Variants in LINGO2 observed in about 807,000 individuals in gnomAD.
LINGO2 encodes leucine rich repeat and Ig domain containing 2, also known as leucine-rich repeat and immunoglobulin-like domain-containing nogo receptor-interacting protein 2.
Under a neutral mutation model 30.6 loss-of-function variants are expected in LINGO2, and 14 were observed. That is an observed-to-expected ratio of 0.46 (90% CI 0.30 to 0.72). The LOEUF (loss-of-function observed/expected upper bound fraction) is 0.72. Among genes scored for constraint, LINGO2 ranks in the 30% least tolerant of loss-of-function variants. The pLI is 0.07. For synonymous variants in LINGO2, 317 were observed against 288.5 expected, an observed-to-expected ratio of 1.10 and a Z score of -1.00; for missense variants, 729 against 751.7, an observed-to-expected ratio of 0.97 and a Z score of 0.35.
At chr9:29,176,945 G>A in the LINGO2 span, among the ~76,000 whole-genome samples, 2,675 of 152,256 alleles carry the variant, frequency 0.018, 87 homozygotes, top group African/African-American at 0.06. Context: ...AAGCAACACC[G>A]AAAAGGATTG....
the LINGO2 span, among the ~76,000 whole-genome samples, chr9:29,134,783 G>A: frequency 5.3e-5 from 8 of 151,758 alleles, no homozygotes; most frequent in Non-Finnish European, 1.0e-4. Context: ...TATTAATATA[G>A]TTTTCCTTAA....
the LINGO2 span, among the ~76,000 whole-genome samples, chr9:28,932,906 T>C: frequency 2.6e-5 from 4 of 151,066 alleles, no homozygotes; most frequent in Non-Finnish European, 4.4e-5. Context: ...TTTATTATAT[T>C]ATTATTATTA....
At chr9:28,312,539 T>G (rs895114464) in intron 3 of LINGO2, among the ~76,000 whole-genome samples, 1 of 152,104 alleles carries the variant, frequency 6.6e-6, no homozygotes, top group African/African-American at 2.4e-5. Flanking sequence ...GTCATAAATA[T>G]CAACATGCAG....
chr9:28,354,343 C>T lies in LINGO2; in HGVS notation c.-246+18493G>A, dbSNP rs149478343. ...TGGTAATTATGCAAATTCATGTTAA[C>T]CTATTGCTTCAGAAATATAAAGCAA... On this transcript the variant is annotated intron_variant, in intron 3 of 5. Coordinates refer to ENST00000379992, the Ensembl canonical transcript of LINGO2. Among the ~76,000 whole-genome samples, 8 of 152,112 alleles carry T rather than the reference C, an allele frequency of 5.3e-5. No individual in the cohort carries two copies. In the East Asian group the frequency reaches 1.4e-3, roughly 26 times the overall value.
chr9:28,783,419 T>C, the LINGO2 span, among the ~76,000 whole-genome samples: 1 of 152,148 alleles, frequency 6.6e-6, no homozygotes, highest in African/African-American at 2.4e-5. Context: ...TTTCTATTTG[T>C]ATTTTTTAAT....
At chr9:28,050,620 T>C (rs541839806) in intron 4 of LINGO2, among the ~76,000 whole-genome samples, 6 of 150,894 alleles carry the variant, frequency 4.0e-5, no homozygotes, top group African/African-American at 1.2e-4. Context: ...TTAGAAACAA[T>C]TGCATATGAA....
chr9:27,952,912 A>G (rs1306364778), intron 5 of LINGO2, among the ~76,000 whole-genome samples: 1 of 152,254 alleles, frequency 6.6e-6, no homozygotes, highest in Middle Eastern at 3.4e-3. Context: ...AACTTGGTAT[A>G]ACAAACAAAT....
At chr9:28,351,763 C>T (rs1819904755) in intron 3 of LINGO2, among the ~76,000 whole-genome samples, 1 of 152,052 alleles carries the variant, frequency 6.6e-6, no homozygotes, top group African/African-American at 2.4e-5. Flanking sequence ...AAAATACTGG[C>T]AAAACGAATC....
chr9:28,573,381 C>A lies in LINGO2; in HGVS notation c.-365+96819G>T, dbSNP rs184918838. On this transcript the variant is annotated intron_variant, in intron 1 of 5. Transcript: ENST00000379992. ...TAATTATAATTCCACTTCATCTTAG[C>A]AACTTTAAATTAAATGCAAAGACCC... Among the ~76,000 whole-genome samples, 220 of 152,220 alleles carry A rather than the reference C, an allele frequency of 1.4e-3. 1 individual carries two copies. The highest frequency in any genetic ancestry group is 5.1e-3 in the African/African-American group (210 of 41,540).
At chr9:28,521,293 C>A (rs1820819950) in intron 1 of LINGO2, among the ~76,000 whole-genome samples, 2 of 152,114 alleles carry the variant, frequency 1.3e-5, no homozygotes, top group Admixed American at 6.6e-5. Context: ...TGATCTAAGG[C>A]AGCTAACTTT....
chr9:28,300,899 T>C (rs1377938956), intron 3 of LINGO2, among the ~76,000 whole-genome samples: 1 of 150,760 alleles, frequency 6.6e-6, no homozygotes, highest in Non-Finnish European at 1.5e-5. Context: ...CATGTCAGCT[T>C]TGAGTAGAAA....
At chr9:28,844,462 T>C in the LINGO2 span, among the ~76,000 whole-genome samples, 5 of 151,862 alleles carry the variant, frequency 3.3e-5, no homozygotes, top group African/African-American at 1.2e-4. Context: ...CTGAGGAGTG[T>C]TTTTTAAACA....
chr9:28,034,210 G>T (rs1246772538), intron 4 of LINGO2, among the ~76,000 whole-genome samples: 1 of 152,222 alleles, frequency 6.6e-6, no homozygotes, highest in Admixed American at 6.5e-5. Context: ...CTGCTCCCCA[G>T]TGTACATCTT....
At chr9:28,769,215 G>C in the LINGO2 span, among the ~76,000 whole-genome samples, 24 of 150,756 alleles carry the variant, frequency 1.6e-4, no homozygotes, top group African/African-American at 5.6e-4. Flanking sequence ...TAATTCTATA[G>C]GCAAGTATAT....
the LINGO2 span, among the ~76,000 whole-genome samples, chr9:28,975,418 G>A: frequency 9.2e-5 from 14 of 152,234 alleles, no homozygotes; most frequent in South Asian, 1.5e-3. Context: ...TGACTGTGGC[G>A]TAACCTAAAC....
At chr9:28,577,602 T>C (rs1021888008) in intron 1 of LINGO2, among the ~76,000 whole-genome samples, 6 of 152,182 alleles carry the variant, frequency 3.9e-5, no homozygotes, top group Non-Finnish European at 7.3e-5. Flanking sequence ...TCTTTCTCTA[T>C]TGCAATTCCC....
the LINGO2 span, among the ~76,000 whole-genome samples, chr9:28,852,984 T>C: frequency 4.6e-5 from 7 of 152,044 alleles, no homozygotes; most frequent in African/African-American, 1.2e-4. Context: ...ATTGTCTACA[T>C]TTCTCAAAGG....
At chr9:29,056,141 T>G in the LINGO2 span, among the ~76,000 whole-genome samples, 2 of 152,006 alleles carry the variant, frequency 1.3e-5, no homozygotes, top group African/African-American at 4.8e-5. Flanking sequence ...AGGAGTGGGA[T>G]TGCTGGATCA....
the LINGO2 span, among the ~76,000 whole-genome samples, chr9:28,896,905 C>G: frequency 2.0e-5 from 3 of 151,872 alleles, no homozygotes; most frequent in Admixed American, 1.3e-4. Context: ...TGTGACATAC[C>G]TAAGTGTAAG....
Sources: allele counts gnomAD v4.1 joint callset (sites outside exome capture counted in the v4.1 genomes callset), GRCh38; gene constraint gnomAD v4.1.1; transcripts MANE v1.5; gene names NCBI Gene and HGNC (gene_info 2026-07-23, HGNC 2026-07-21).